CEP72: variants seen among roughly 807,000 people sequenced by gnomAD.
CEP72 encodes centrosomal protein 72, also known as centrosomal protein of 72 kDa.
A neutral mutation model predicts 65.7 loss-of-function variants in CEP72; 78 were observed. The ratio of observed to expected loss-of-function variants is 1.19; its 90% confidence interval spans 0.99 to 1.43. CEP72 has a LOEUF of 1.43. CEP72 is among the 40% of genes most tolerant of loss of function. CEP72 has a pLI of 0.00. For synonymous variants in CEP72, 358 were observed against 351.7 expected (o/e 1.02, Z -0.20); for missense variants, 914 against 832.9 (o/e 1.10, Z -1.20).
intron 7 of CEP72, 30 bp from the exon 8 acceptor site, chr5:639,059 G>C (rs774144411): frequency 6.2e-7 from 1 of 1,612,394 alleles, no homozygotes; most frequent in African/African-American, 1.3e-5. Context: ...TTACTGACTC[G>C]CTGGCCTCAT....
intron 1 of CEP72, among the ~76,000 whole-genome samples, chr5:618,378 G>C: frequency 6.6e-6 from 1 of 151,830 alleles, no homozygotes. Context: ...ACAGAAATGT[G>C]TAAGAGGGAA....
intron 2 of CEP72, 42 bp downstream of exon 2, chr5:619,159 A>T (rs755031082): frequency 6.3e-7 from 1 of 1,584,528 alleles, no homozygotes; most frequent in South Asian, 1.1e-5. Context: ...TGCTATCAAC[A>T]TCAGTGGAAA....
At position 639,237 on chromosome 5, in the gene CEP72, G is replaced by A. The variant is rs768200432; in HGVS notation, c.1342+13G>A. On this transcript the variant is annotated intron_variant, in intron 8 of 11. Transcript: ENST00000264935. The stretch of plus-strand genomic sequence containing the variant: ...GAGGCATTCCTTGGTGAGTCAGGGC[G>A]GCCACTGCTCTTGCCCTGTAGGCAG... 5 of 1,559,878 alleles carry A rather than the reference G, an allele frequency of 3.2e-6. No homozygotes were observed. Among genetic ancestry groups the A allele is most frequent in the East Asian group, 2.3e-5 (1 of 43,774 alleles).
downstream of CEP72, among the ~76,000 whole-genome samples, chr5:668,826 G>A (rs1740069215): frequency 6.6e-6 from 1 of 152,358 alleles, no homozygotes; most frequent in South Asian, 2.1e-4. Context: ...GTGTGCGCAC[G>A]TGGACAGCAC....
At chr5:642,627 C>T (rs1010140888) in intron 9 of CEP72, 9 of 985,338 alleles carry the variant, frequency 9.1e-6, no homozygotes, top group African/African-American at 8.7e-5. Context: ...TTTTTGCCCT[C>T]TGCAGTTTGC....
At chr5:650,017 T>C (rs886485968) in intron 11 of CEP72, among the ~76,000 whole-genome samples, 6 of 53,928 alleles carry the variant, frequency 1.1e-4, no homozygotes, top group East Asian at 4.9e-4. Flanking sequence ...GACTGTGAGG[T>C]GTGACTGTGA....
chr5:660,842 G>A (rs1739561944), downstream of CEP72: 1 of 152,228 alleles, frequency 6.6e-6, no homozygotes, highest in Non-Finnish European at 1.5e-5. Context: ...TCAGCCCTGA[G>A]CTGGCATCCC....
In CEP72 at chr5:648,288, G is replaced by A. The variant is rs1447245777; in HGVS notation, c.1778+372G>A. Among the ~76,000 whole-genome samples, 4 of 136,298 alleles carry A rather than the reference G, an allele frequency of 2.9e-5. 1 individual carries two copies. Among genetic ancestry groups the A allele is most frequent in the Non-Finnish European group, 3.2e-5 (2 of 62,986 alleles). The allele number at this position is 136,298 out of a possible 152,430, so 89.4% of individuals were successfully genotyped here. On this transcript the variant is annotated intron_variant, in intron 11 of 11. Coordinates refer to ENST00000264935, the MANE Select transcript of CEP72 (RefSeq NM_018140.4). Reference sequence around the variant, plus strand: ...TGAGTGTGAGATGTGACTGTGAGGTGTGGACTGTGAGGTGTGACTGTGAGG... The same window carrying A: ...TGAGTGTGAGATGTGACTGTGAGGTATGGACTGTGAGGTGTGACTGTGAGG...
chr5:653,068 T>G lies in CEP72; in HGVS notation c.1859T>G (p.Met620Arg), dbSNP rs1470427398. 1 of 1,613,794 alleles carries G rather than the reference T, an allele frequency of 6.2e-7. No individual in the cohort carries two copies. Among genetic ancestry groups the G allele is most frequent in the Non-Finnish European group, 8.5e-7 (1 of 1,180,022 alleles). The change falls in exon 12 of 12, where the codon ATG becomes AGG. Residue 620 changes from methionine to arginine, a missense_variant. Coordinates refer to ENST00000264935, the MANE Select transcript of CEP72 (RefSeq NM_018140.4). Reference sequence around the variant, plus strand: ...CAGCACAGAGCCGAGGTGGAGCAGATGCACTGGAGCTACCAGGAGCTCAAG... The same window carrying G: ...CAGCACAGAGCCGAGGTGGAGCAGAGGCACTGGAGCTACCAGGAGCTCAAG... ...RAQHRAEVEQ[M>R]HWSYQELKKT...
At chr5:613,616 C>T (rs532731262) in intron 1 of CEP72, among the ~76,000 whole-genome samples, 2 of 152,324 alleles carry the variant, frequency 1.3e-5, no homozygotes, top group East Asian at 3.9e-4. Flanking sequence ...ATCCACCTGC[C>T]TTGGCCTCCC....
rs1387012565 is a variant in CEP72, at chr5:647,861, C to G, written c.1723C>G (p.Leu575Val). ...CGAGATTGTGGAACTGAAGCAGCAC[C>G]TGGAGCACTACGACAAGATCCAGGA... ...CGEIVELKQH[L>V]EHYDKIQELT... The change falls in exon 11 of 12, where the codon CTG becomes GTG. Residue 575 changes from leucine to valine, a missense_variant. Leu to Val is a conservative substitution (Grantham distance 32, BLOSUM62 1). Transcript: ENST00000264935. 2 of 1,612,592 alleles carry G rather than the reference C, an allele frequency of 1.2e-6. No homozygotes were observed. The highest frequency in any genetic ancestry group is 1.7e-6 in the Non-Finnish European group (2 of 1,179,962).
chr5:632,178 G>A (rs1245988368), intron 4 of CEP72, among the ~76,000 whole-genome samples: 3 of 74,938 alleles, frequency 4.0e-5, no homozygotes, highest in African/African-American at 1.5e-4. Context: ...TCTGTCCAGC[G>A]CCGGGATTTG....
the CEP72 span, among the ~76,000 whole-genome samples, chr5:674,223 G>A: frequency 3.3e-5 from 5 of 152,198 alleles, no homozygotes; most frequent in African/African-American, 1.2e-4. Flanking sequence ...CGGCACAGAG[G>A]GCACCCAGGG....
At chr5:636,149 C>A (rs1041175815) in intron 6 of CEP72, among the ~76,000 whole-genome samples, 5 of 152,258 alleles carry the variant, frequency 3.3e-5, no homozygotes, top group Non-Finnish European at 5.9e-5. Context: ...TTACTCCCTT[C>A]AGTTCCTTTT....
In CEP72 at chr5:653,042, G is replaced by A. The variant is rs200654172; in HGVS notation, c.1833G>A (p.Ala611=). The part of the protein sequence containing the change: ...HLLQELSQVR[A]QHRAEVEQMH... The stretch of plus-strand genomic sequence containing the variant: ...TGCAGGAGCTGAGCCAGGTGCGGGC[G>A]CAGCACAGAGCCGAGGTGGAGCAGA... The change falls in exon 12 of 12, where the codon GCG becomes GCA. Residue 611 remains alanine, a synonymous_variant. Transcript: ENST00000264935. 5.0e-4 allele frequency: 810 copies of A among 1,613,770 alleles called. 1 individual carries two copies. Among genetic ancestry groups the A allele is most frequent in the Admixed American group, 1.5e-3 (90 of 59,972 alleles).
chr5:653,657 T>G (rs892620514), downstream of CEP72: 1 of 152,492 alleles, frequency 6.6e-6, no homozygotes, highest in African/African-American at 2.4e-5. Flanking sequence ...ATAATTAAGT[T>G]CAAAGACTTA....
intron 1 of CEP72, among the ~76,000 whole-genome samples, chr5:615,043 G>A (rs1697951): frequency 0.8 from 121,352 of 151,118 alleles, 49,033 homozygotes; most frequent in African/African-American, 0.9. Flanking sequence ...TTTTCACTTT[G>A]TATGTTTTGA....
At chr5:666,260 C>T in intron 4 of CEP72, 1 of 938,236 alleles carries the variant, frequency 1.1e-6, no homozygotes, top group East Asian at 2.6e-5. Context: ...GCCCTGGTAG[C>T]ACTGCAAATC....
Position 624,342 on chromosome 5 carries a change from G to A in CEP72, c.404-129G>A, listed in dbSNP as rs532818146. ...TGGGACCACCAGAGCCCAGCATTCC[G>A]GTGCTAGGTTAGTGGGAGCAGGGCT... On this transcript the variant is annotated intron_variant, in intron 3 of 11. Coordinates refer to ENST00000264935, the MANE Select transcript of CEP72 (RefSeq NM_018140.4). This position sits in a 1 kb window ranked among gnomAD's most constrained non-coding sequence, Gnocchi z 4.7. The A allele has an allele frequency of 3.2e-5, 21 of 651,254 alleles. No homozygotes were observed. Among genetic ancestry groups the A allele is most frequent in the Admixed American group, 2.0e-4 (8 of 40,872 alleles). 40.3% of individuals were successfully genotyped at this position (651,254 alleles called of 1,614,324 possible).
Sources: gnomAD v4.1 joint callset for allele counts (sites outside exome capture counted in the v4.1 genomes callset) on GRCh38, gnomAD v4.1.1 for gene constraint, Gnocchi (gnomAD v3.1) non-coding constraint, MANE v1.5 for transcripts, NCBI Gene and HGNC (gene_info 2026-07-23, HGNC 2026-07-21) for gene names.